ENOX2: variants seen among roughly 807,000 people sequenced by gnomAD.
ENOX2 encodes the protein APK1 antigen.
In ENOX2, 36 loss-of-function variants were observed where a neutral mutation model predicts 45.0. The observed-to-expected ratio is 0.80, with a 90% CI of 0.61 to 1.06. The LOEUF (loss-of-function observed/expected upper bound fraction) is 1.06, where lower values mean the gene tolerates loss of function less well. Ranked by LOEUF, ENOX2 falls within the 50% of genes least tolerant of loss-of-function variation. The pLI is 0.00. For synonymous variants in ENOX2, 174 were observed against 152.3 expected, an observed-to-expected ratio of 1.14 and a Z score of -1.05; for missense variants, 423 against 462.5, an observed-to-expected ratio of 0.91 and a Z score of 0.78.
intron 2 of ENOX2, among the ~76,000 whole-genome samples, chrX:130,861,638 T>C (rs1200361031): frequency 9.1e-6 from 1 of 109,971 alleles, no homozygotes; most frequent in Non-Finnish European, 1.9e-5. Context: ...GAGAGTGAAA[T>C]GGGAAGGTAT....
At position 130,625,384 on chromosome X, in the gene ENOX2, A is replaced by T. The variant is rs1337172184; in HGVS notation, c.1676T>A (p.Met559Lys). ...GRLQHTFKQE[M>K]TGVGASLEKR... is the part of the protein sequence containing the mutation. ...TTCCAGGCTGGCTCCAACTCCAGTCATTTCCTGCTTGAAGGTATGCTGGAG... is the reference window on the plus strand; with the variant it reads ...TTCCAGGCTGGCTCCAACTCCAGTCTTTTCCTGCTTGAAGGTATGCTGGAG... The change falls in exon 15 of 15, where the codon ATG becomes AAG. Residue 559 changes from methionine (M) to lysine (K), a missense_variant. Met to Lys is a moderately conservative substitution (Grantham distance 95, BLOSUM62 -1). This residue lies in a region of ENOX2 where 34 missense variants were observed against 31.3 expected (regional missense o/e 1.09). Transcript: ENST00000394363. 1 of 1,210,477 alleles carries T rather than the reference A, an allele frequency of 8.3e-7. No individual in the cohort carries two copies.
At chrX:130,636,259 G>A (rs1164724054) in intron 11 of ENOX2, among the ~76,000 whole-genome samples, 2 of 112,381 alleles carry the variant, frequency 1.8e-5, no homozygotes, top group Non-Finnish European at 3.8e-5. Context: ...TTTGTTAACA[G>A]AAAAGGTGAA....
chrX:130,634,841 C>T (rs192762002), intron 12 of ENOX2, 143 bp downstream of exon 12: 1 of 424,263 alleles, frequency 2.4e-6, no homozygotes, highest in Non-Finnish European at 4.1e-6. Context: ...ATAAGAATTA[C>T]CCCCGAGAGG....
chrX:130,813,007 A>C (rs1165516890), intron 2 of ENOX2, among the ~76,000 whole-genome samples: 1 of 112,184 alleles, frequency 8.9e-6, no homozygotes, highest in East Asian at 2.8e-4. Context: ...CAGTGACATG[A>C]CGCTAAAAGA....
At chrX:130,823,039 G>C (rs1285722653) in intron 2 of ENOX2, among the ~76,000 whole-genome samples, 1 of 111,596 alleles carries the variant, frequency 9.0e-6, no homozygotes, top group Non-Finnish European at 1.9e-5. Flanking sequence ...GGTGCTGACG[G>C]GTAGAGTGAC....
rs185173511 is a variant in ENOX2 at position 130,784,084 on chromosome X, C to G, written c.-182-394G>C. Among the ~76,000 whole-genome samples the G allele has an allele frequency of 3.9e-3, 431 of 111,685 alleles. 2 individuals are homozygous for G. The highest frequency in any genetic ancestry group is 0.014 in the African/African-American group (417 of 30,685). On this transcript the variant is annotated intron_variant, in intron 2 of 14. Transcript: ENST00000394363. ...CTTTCATTACAAGGTATGTTGATCT[C>G]ATGCAGATATAATCATCAGACTATC...
At chrX:130,807,113 C>T (rs1453623827) in intron 2 of ENOX2, among the ~76,000 whole-genome samples, 1 of 112,151 alleles carries the variant, frequency 8.9e-6, no homozygotes, top group African/African-American at 3.2e-5. Flanking sequence ...TTGATAAGGT[C>T]ATTTACTTTC....
chrX:130,782,808 T>C (rs985318731), intron 3 of ENOX2, among the ~76,000 whole-genome samples: 1 of 109,751 alleles, frequency 9.1e-6, no homozygotes, highest in Non-Finnish European at 1.9e-5. Context: ...TCAGTTAAGA[T>C]GTGGCTCTCC....
At chrX:130,641,741 A>AAAAAC (rs1569478944) in intron 10 of ENOX2, among the ~76,000 whole-genome samples, 6 of 106,385 alleles carry the variant, frequency 5.6e-5, no homozygotes, top group African/African-American at 2.1e-4. Flanking sequence ...AAAAAAAAAA[A>AAAAAC]GAGAGAATTA....
intron 2 of ENOX2, among the ~76,000 whole-genome samples, chrX:130,817,082 G>A (rs1385806758): frequency 1.8e-5 from 2 of 111,741 alleles, no homozygotes; most frequent in African/African-American, 3.3e-5. Flanking sequence ...CTGATAAAGC[G>A]GAGATCACCA....
intron 4 of ENOX2, among the ~76,000 whole-genome samples, chrX:130,695,310 A>G (rs2037728038): frequency 8.9e-6 from 1 of 111,950 alleles, no homozygotes; most frequent in Admixed American, 9.5e-5. Context: ...CATTGTTGCA[A>G]TTTTGTGCCA....
In ENOX2 at chrX:130,806,668, C is replaced by A. The variant is rs748668726; in HGVS notation, c.-182-22978G>T. 1.4e-3 allele frequency among the ~76,000 whole-genome samples: 157 copies of A among 112,020 alleles called. 1 individual carries two copies. The highest frequency in any genetic ancestry group is 4.9e-3 in the African/African-American group (151 of 30,938). Reference sequence around the variant, plus strand: ...TTTATTCTGAAACAGCCTAATGGGGCTCAAGGACTAAAATAACCTCATTAA... The same window carrying A: ...TTTATTCTGAAACAGCCTAATGGGGATCAAGGACTAAAATAACCTCATTAA... On this transcript the variant is annotated intron_variant, in intron 2 of 14. Transcript: ENST00000394363.
rs187371780 is a variant in ENOX2 at position 130,834,326 on chromosome X, T to A, written c.-182-50636A>T. Among the ~76,000 whole-genome samples, 5 of 111,791 alleles carry A rather than the reference T, an allele frequency of 4.5e-5. No homozygotes were observed. In the East Asian group the frequency reaches 1.4e-3, roughly 32 times the overall value. ...ACAATGGAACTCCATCTCTTTCAGATCCTGTTGACAGCAATTTGACTGAAA... is the reference window on the plus strand; with the variant it reads ...ACAATGGAACTCCATCTCTTTCAGAACCTGTTGACAGCAATTTGACTGAAA... On this transcript the variant is annotated intron_variant, in intron 2 of 14. Transcript: ENST00000394363.
Position 130,681,350 on chromosome X carries a change from G to A in ENOX2, c.254-1602C>T, listed in dbSNP as rs189927143. On this transcript the variant is annotated intron_variant, in intron 5 of 14. Coordinates refer to ENST00000394363, the MANE Select transcript of ENOX2 (RefSeq NM_006375.4). ...TAATGCCTGGGTCCCACCCCAGTGGGTCTGATTTATTTAATTAGTCTGGGG... is the reference window on the plus strand; with the variant it reads ...TAATGCCTGGGTCCCACCCCAGTGGATCTGATTTATTTAATTAGTCTGGGG... Among the ~76,000 whole-genome samples the A allele has an allele frequency of 6.5e-3, 727 of 111,986 alleles. 9 individuals carry two copies. Among genetic ancestry groups the A allele is most frequent in the African/African-American group, 0.022 (687 of 30,819 alleles).
chrX:130,774,061 G>A (rs2039799903), intron 3 of ENOX2, among the ~76,000 whole-genome samples: 1 of 112,004 alleles, frequency 8.9e-6, no homozygotes, highest in African/African-American at 3.2e-5. Context: ...TACCTAGAGA[G>A]GTCAACATTT....
chrX:130,652,428 C>T (rs749231454), intron 10 of ENOX2, among the ~76,000 whole-genome samples: 9 of 111,593 alleles, frequency 8.1e-5, no homozygotes, highest in Admixed American at 1.9e-4. Context: ...GGGCTTCAGC[C>T]GATACCTCTA....
At chrX:130,796,616 ATTTTGTCTATAG>A (rs2077133251) in intron 2 of ENOX2, among the ~76,000 whole-genome samples, 2 of 112,176 alleles carry the variant, frequency 1.8e-5, no homozygotes, top group Non-Finnish European at 3.8e-5. Flanking sequence ...GACTTGGTTT[ATTTTGTCTATAG>A]CATTCACTGA....
chrX:130,732,022 G>A (rs1267103042), intron 3 of ENOX2, among the ~76,000 whole-genome samples: 1 of 111,904 alleles, frequency 8.9e-6, no homozygotes, highest in East Asian at 2.8e-4. Context: ...GCAAGAAAAC[G>A]AAATAAGCAT....
intron 6 of ENOX2, 91 bp downstream of exon 6, chrX:130,679,451 G>T: frequency 1.3e-6 from 1 of 763,518 alleles, no homozygotes. Context: ...GTAATACTAA[G>T]CCCAAACTTA....
Sources: gnomAD v4.1 joint callset for allele counts (sites outside exome capture counted in the v4.1 genomes callset) on GRCh38, gnomAD v4.1.1 for gene constraint, gnomAD v4.1.1 regional missense constraint, MANE v1.5 for transcripts, NCBI Gene and HGNC (gene_info 2026-07-23, HGNC 2026-07-21) for gene names.